MYT1L: variants seen among roughly 807,000 people sequenced by gnomAD.
MYT1L encodes myelin transcription factor 1-like protein.
Under a neutral mutation model 126.7 loss-of-function variants are expected in MYT1L, and 12 were observed. The ratio of observed to expected loss-of-function variants is 0.09; its 90% CI spans 0.06 to 0.15. The LOEUF is 0.15. Among genes scored for constraint, MYT1L ranks in the 10% least tolerant of loss-of-function variants. The pLI is 1.00. For synonymous variants in MYT1L, 541 were observed against 604.2 expected (o/e 0.90, Z 1.53); for missense variants, 979 against 1,585.2 (o/e 0.62, Z 6.49).
At chr2:1,814,577 T>A (rs772225307) in intron 21 of MYT1L, among the ~76,000 whole-genome samples, 7 of 152,160 alleles carry the variant, frequency 4.6e-5, no homozygotes, top group Non-Finnish European at 1.0e-4. Context: ...ATGTCAGTGA[T>A]TTTTCCTTTA....
At chr2:2,055,518 C>T (rs539875113) in intron 3 of MYT1L, among the ~76,000 whole-genome samples, 12 of 152,294 alleles carry the variant, frequency 7.9e-5, no homozygotes, top group African/African-American at 2.4e-4. Flanking sequence ...TTATTTCCAA[C>T]ACATTCTGAG....
rs181705356 is a variant in MYT1L at position 2,129,206 on chromosome 2, A to G, written c.-304+43666T>C. ...AGGAGAAGGTGGTCGGGAAGAAGTT[A>G]CATCCACAAGCACAGTTTCACGTGT... On this transcript the variant is annotated intron_variant, in intron 3 of 24. Transcript: ENST00000647738. Among the ~76,000 whole-genome samples, 32 of 152,318 alleles carry G rather than the reference A, an allele frequency of 2.1e-4. 1 individual carries two copies. The East Asian group carries it at 6.2e-3, about 29-fold the overall frequency.
chr2:2,236,799 C>T (rs962087271), intron 2 of MYT1L, among the ~76,000 whole-genome samples: 2 of 17,632 alleles, frequency 1.1e-4, no homozygotes, highest in Non-Finnish European at 8.6e-5. Context: ...TCTTCTTCTT[C>T]TTCTTCTTCT....
intron 22 of MYT1L, among the ~76,000 whole-genome samples, chr2:1,804,109 G>GT (rs1310547976): frequency 6.6e-6 from 1 of 152,042 alleles, no homozygotes; most frequent in African/African-American, 2.4e-5. Flanking sequence ...TGGAACTAGG[G>GT]TTTTTTTGTT....
intron 8 of MYT1L, among the ~76,000 whole-genome samples, chr2:1,953,770 C>A (rs553774320): frequency 1.3e-5 from 2 of 152,304 alleles, no homozygotes; most frequent in South Asian, 4.1e-4. Context: ...TCAGCATCTG[C>A]TTTTCACGAA....
At chr2:2,187,957 TTA>T (rs944252647) in intron 2 of MYT1L, among the ~76,000 whole-genome samples, 19 of 152,074 alleles carry the variant, frequency 1.2e-4, no homozygotes, top group African/African-American at 4.3e-4. Context: ...TTATATTCTC[TTA>T]TATTAAATAT....
At chr2:2,075,939 T>C (rs2075169231) in intron 3 of MYT1L, among the ~76,000 whole-genome samples, 1 of 152,216 alleles carries the variant, frequency 6.6e-6, no homozygotes, top group Non-Finnish European at 1.5e-5. Flanking sequence ...AGGAAAAGAA[T>C]TGATGGGTTT....
intron 4 of MYT1L, among the ~76,000 whole-genome samples, chr2:2,004,909 T>TGCGTTCTTTCCTGCAG (rs2063029430): frequency 6.7e-6 from 1 of 148,638 alleles, no homozygotes; most frequent in Non-Finnish European, 1.5e-5. Flanking sequence ...CTTTCCTGCA[T>TGCGTTCTTTCCTGCAG]GCGTTCTTTC....
At chr2:2,177,861 T>A (rs1350775845) in intron 2 of MYT1L, among the ~76,000 whole-genome samples, 2 of 152,130 alleles carry the variant, frequency 1.3e-5, no homozygotes. Context: ...ACACAGAGCC[T>A]AATCATATAA....
At chr2:1,992,542 T>A (rs951272593) in intron 5 of MYT1L, among the ~76,000 whole-genome samples, 2 of 152,204 alleles carry the variant, frequency 1.3e-5, no homozygotes, top group Non-Finnish European at 2.9e-5. Flanking sequence ...CTCTGCTGAT[T>A]ACCCCAAGTC....
intron 3 of MYT1L, among the ~76,000 whole-genome samples, chr2:2,098,920 C>T (rs922271066): frequency 6.6e-6 from 1 of 152,130 alleles, no homozygotes; most frequent in Non-Finnish European, 1.5e-5. Context: ...AACCCACCAA[C>T]AACTTTATCC....
intron 3 of MYT1L, among the ~76,000 whole-genome samples, chr2:2,111,101 T>C (rs1269998855): frequency 6.6e-6 from 1 of 152,186 alleles, no homozygotes; most frequent in African/African-American, 2.4e-5. Context: ...GCCCATGTTC[T>C]TAGAGGCTGG....
chr2:2,300,185 C>T (rs1462697270), intron 1 of MYT1L, among the ~76,000 whole-genome samples: 1 of 152,118 alleles, frequency 6.6e-6, no homozygotes, highest in Non-Finnish European at 1.5e-5. Flanking sequence ...TGTGTTCTAA[C>T]CTAAAGACAT....
intron 4 of MYT1L, among the ~76,000 whole-genome samples, chr2:2,004,229 TCTTTCCTGCAGGCG>T (rs2062814466): frequency 1.4e-5 from 2 of 142,186 alleles, no homozygotes. Context: ...CTGCAGGCGT[TCTTTCCTGCAGGCG>T]TTCTTTCCTG....
intron 18 of MYT1L, among the ~76,000 whole-genome samples, chr2:1,885,789 C>T (rs1159619931): frequency 6.6e-6 from 1 of 152,196 alleles, no homozygotes; most frequent in African/African-American, 2.4e-5. Context: ...CCTGTGTGCA[C>T]CTGCACGTAT....
At chr2:2,188,768 G>C (rs2092384542) in intron 2 of MYT1L, among the ~76,000 whole-genome samples, 1 of 152,188 alleles carries the variant, frequency 6.6e-6, no homozygotes, top group East Asian at 1.9e-4. Flanking sequence ...GAAAATCAGA[G>C]AGAAGAAGCT....
intron 3 of MYT1L, among the ~76,000 whole-genome samples, chr2:2,101,878 T>A (rs1300810675): frequency 6.6e-6 from 1 of 152,252 alleles, no homozygotes; most frequent in Non-Finnish European, 1.5e-5. Context: ...TGGCGGCTAT[T>A]ACTGTTTTAC....
At chr2:1,868,333 C>T (rs1371171688) in intron 18 of MYT1L, among the ~76,000 whole-genome samples, 1 of 152,192 alleles carries the variant, frequency 6.6e-6, no homozygotes, top group Non-Finnish European at 1.5e-5. Context: ...AGAACCTGCA[C>T]TTGCATAATA....
chr2:1,989,720 G>A (rs1006131556), intron 5 of MYT1L, among the ~76,000 whole-genome samples: 3 of 152,190 alleles, frequency 2.0e-5, no homozygotes, highest in Non-Finnish European at 2.9e-5. Context: ...CTAGGGGCCA[G>A]GTGTGGTGGC....
Sources: allele counts gnomAD v4.1 joint callset (sites outside exome capture counted in the v4.1 genomes callset), GRCh38; gene constraint gnomAD v4.1.1; transcripts MANE v1.5; gene names NCBI Gene and HGNC (gene_info 2026-07-23, HGNC 2026-07-21).